The following ADK variants were observed in gnomAD, a reference collection of about 807,000 sequenced individuals.
ADK encodes the protein N6,N6-dimethyladenosine kinase.
ADK carries 24 observed loss-of-function variants against 44.7 expected under a neutral mutation model. The ratio of observed to expected loss-of-function variants is 0.54; its 90% confidence interval spans 0.39 to 0.76. ADK has a LOEUF of 0.76. ADK is among the 30% of genes least tolerant of loss of function. The pLI is 0.00. For missense variants in ADK, 321 were observed against 425.1 expected (o/e 0.76, Z 2.15); for synonymous variants, 128 against 142.6 (o/e 0.90, Z 0.73).
At chr10:74,582,728 A>G (rs917733409) in intron 7 of ADK, among the ~76,000 whole-genome samples, 5 of 152,138 alleles carry the variant, frequency 3.3e-5, no homozygotes, top group African/African-American at 9.7e-5. Flanking sequence ...GGATAGAGGC[A>G]TGAGTGTCTT....
chr10:74,351,969 A>T (rs1478836228), intron 4 of ADK, among the ~76,000 whole-genome samples: 1 of 152,190 alleles, frequency 6.6e-6, no homozygotes, highest in Non-Finnish European at 1.5e-5. Flanking sequence ...AAGAATCAAT[A>T]TTGTGAAAAT....
intron 6 of ADK, among the ~76,000 whole-genome samples, chr10:74,449,545 C>A (rs917528994): frequency 1.3e-5 from 2 of 152,006 alleles, no homozygotes; most frequent in Non-Finnish European, 2.9e-5. Context: ...CCTATTATAT[C>A]TTTTTATTTT....
intron 4 of ADK, among the ~76,000 whole-genome samples, chr10:74,361,069 G>T (rs944927211): frequency 1.3e-5 from 2 of 152,066 alleles, no homozygotes. Flanking sequence ...CACCATGCCT[G>T]GCTAATTTTT....
intron 4 of ADK, among the ~76,000 whole-genome samples, chr10:74,387,040 G>A (rs554905373): frequency 2.4e-4 from 37 of 152,086 alleles, no homozygotes; most frequent in Middle Eastern, 3.4e-3. Context: ...GAGTTCAAGC[G>A]ATTCTCCTGC....
intron 6 of ADK, among the ~76,000 whole-genome samples, chr10:74,399,127 T>C (rs557990714): frequency 6.6e-6 from 1 of 152,012 alleles, no homozygotes; most frequent in African/African-American, 2.4e-5. Context: ...GACACAAAAA[T>C]AATTGGTTAA....
rs968170176 is a variant in ADK, at chr10:74,467,149, A to G, written c.556-58107A>G. Among the ~76,000 whole-genome samples, 5 of 152,296 alleles carry G rather than the reference A, an allele frequency of 3.3e-5. No homozygotes were observed. In the South Asian group the frequency reaches 1.0e-3, roughly 32 times the overall value. ...TTTTTTTAAAATTATTTCTTATATT[A>G]AACTATTACAATGAAGATAAATGAC... On this transcript the variant is annotated intron_variant, in intron 6 of 10. Coordinates refer to ENST00000539909, the MANE Select transcript of ADK (RefSeq NM_006721.4).
chr10:74,193,283 G>A (rs1178961556), intron 1 of ADK, among the ~76,000 whole-genome samples: 2 of 151,522 alleles, frequency 1.3e-5, no homozygotes, highest in Non-Finnish European at 2.9e-5. Flanking sequence ...AAGTTTTAAG[G>A]TACATGTGCA....
At chr10:74,168,682 G>A (rs542409455) in intron 1 of ADK, among the ~76,000 whole-genome samples, 1 of 151,250 alleles carries the variant, frequency 6.6e-6, no homozygotes, top group South Asian at 2.1e-4. Flanking sequence ...GCATGACCTC[G>A]GCCCACTGCA....
intron 10 of ADK, among the ~76,000 whole-genome samples, chr10:74,703,923 A>G (rs183462253): frequency 1.3e-5 from 2 of 152,370 alleles, no homozygotes; most frequent in Admixed American, 1.3e-4. Context: ...GCACCTGGGT[A>G]GATGATATGC....
At chr10:74,587,408 C>A (rs1375960412) in intron 7 of ADK, among the ~76,000 whole-genome samples, 1 of 152,218 alleles carries the variant, frequency 6.6e-6, no homozygotes, top group Non-Finnish European at 1.5e-5. Context: ...GTACTTTCAA[C>A]TTAACACTTC....
intron 6 of ADK, among the ~76,000 whole-genome samples, chr10:74,471,141 C>A (rs1184136350): frequency 6.7e-6 from 1 of 149,642 alleles, no homozygotes; most frequent in Non-Finnish European, 1.5e-5. Context: ...GTGGTATGAT[C>A]TCTGCTCACT....
chr10:74,300,905 G>A (rs1480634437), intron 3 of ADK, among the ~76,000 whole-genome samples: 1 of 152,140 alleles, frequency 6.6e-6, no homozygotes, highest in Non-Finnish European at 1.5e-5. Flanking sequence ...TAGCAATATT[G>A]ATGCCAGAGC....
At position 74,474,409 on chromosome 10, in the gene ADK, C is replaced by T. The variant is rs375460573; in HGVS notation, c.556-50847C>T. ...TGACCCACCACACCTACTCTGTATT[C>T]GTTTTTTACAAATTCAGTAGTCTTT... is the stretch of plus-strand genomic sequence containing the variant. On this transcript the variant is annotated intron_variant, in intron 6 of 10. Coordinates refer to ENST00000539909, the MANE Select transcript of ADK (RefSeq NM_006721.4). Among the ~76,000 whole-genome samples the T allele has an allele frequency of 2.4e-4, 36 of 152,254 alleles. No individual in the cohort carries two copies. In the East Asian group the frequency reaches 4.8e-3, roughly 20 times the overall value.
chr10:74,674,282 G>C (rs763763227), intron 10 of ADK, among the ~76,000 whole-genome samples: 1 of 152,094 alleles, frequency 6.6e-6, no homozygotes, highest in Non-Finnish European at 1.5e-5. Context: ...AAGATCCATT[G>C]GTTAAAACCC....
intron 4 of ADK, among the ~76,000 whole-genome samples, chr10:74,361,599 GTTA>G (rs1842338043): frequency 1.3e-5 from 2 of 152,132 alleles, no homozygotes; most frequent in South Asian, 4.1e-4. Flanking sequence ...AATTGTTGTA[GTTA>G]TTATTTTTAA....
rs187029966 is a variant in ADK at position 74,458,276 on chromosome 10, G to A, written c.555+59697G>A. Among the ~76,000 whole-genome samples, 67 of 145,908 alleles carry A rather than the reference G, an allele frequency of 4.6e-4. No individual in the cohort carries two copies. The East Asian group carries it at 9.7e-3, about 21-fold the overall frequency. ...GCTCCAAGTATCTGGACTCAAAGGCGTGCACCACCACTCCCAGGTTTTGTT... is the reference window on the plus strand; with the variant it reads ...GCTCCAAGTATCTGGACTCAAAGGCATGCACCACCACTCCCAGGTTTTGTT... On this transcript the variant is annotated intron_variant, in intron 6 of 10. Transcript: ENST00000539909.
At chr10:74,344,635 A>G (rs566234138) in intron 4 of ADK, 2 of 219,690 alleles carry the variant, frequency 9.1e-6, no homozygotes, top group East Asian at 2.3e-4. Context: ...TCTTTTTGTC[A>G]TTTAAAAATA....
intron 6 of ADK, among the ~76,000 whole-genome samples, chr10:74,401,042 A>G (rs1843689066): frequency 1.3e-5 from 2 of 152,184 alleles, no homozygotes; most frequent in African/African-American, 4.8e-5. Flanking sequence ...TTTATTTTTT[A>G]CCTTTCATAA....
chr10:74,687,720 C>T (rs1212439138), intron 10 of ADK, among the ~76,000 whole-genome samples: 1 of 152,182 alleles, frequency 6.6e-6, no homozygotes, highest in Non-Finnish European at 1.5e-5. Flanking sequence ...CTTCCTGAGT[C>T]CTTCCATTCC....
Sources: gnomAD v4.1 joint callset for allele counts (sites outside exome capture counted in the v4.1 genomes callset) on GRCh38, gnomAD v4.1.1 for gene constraint, MANE v1.5 for transcripts, NCBI Gene and HGNC (gene_info 2026-07-23, HGNC 2026-07-21) for gene names.